FAM114A2: variants seen among roughly 807,000 people sequenced by gnomAD.
The protein encoded by FAM114A2 is family with sequence similarity 114 member A2, also known as protein FAM114A2.
FAM114A2 carries 53 observed loss-of-function variants against 58.4 expected under a neutral mutation model. That is an observed-to-expected ratio of 0.91 (90% CI 0.73 to 1.14). FAM114A2 has a LOEUF of 1.14. Among genes scored for constraint, FAM114A2 ranks in the 50% most tolerant of loss-of-function variants. The pLI, the probability that FAM114A2 is intolerant of heterozygous loss-of-function variation, is 0.00. For synonymous variants in FAM114A2, 228 were observed against 211.4 expected (o/e 1.08, Z -0.68); for missense variants, 601 against 581.1 (o/e 1.03, Z -0.35).
Position 153,997,821 on chromosome 5 carries a change from G to A in FAM114A2, c.1311C>T (p.Thr437=), listed in dbSNP as rs1482310363. The part of the protein sequence containing the change: ...ELSSLSKEFT[T]CLTTAGVKEM... ...TTCTTACCCCAGCAGTTGTTAGGCA[G>A]GTAGTGAACTCTTTAGACAGAGAGG... Residue 437 remains threonine (T), a synonymous_variant, in exon 12 of 14, where the codon ACC becomes ACT. Transcript: ENST00000351797. 2.5e-6 allele frequency: 4 copies of A among 1,590,066 alleles called. No individual in the cohort carries two copies. Among genetic ancestry groups the A allele is most frequent in the Non-Finnish European group, 3.5e-6 (4 of 1,158,454 alleles).
At chr5:154,002,718 G>A (rs1006582191) in intron 10 of FAM114A2, 129 bp downstream of exon 10, 8 of 941,836 alleles carry the variant, frequency 8.5e-6, no homozygotes, top group Non-Finnish European at 1.3e-5. Flanking sequence ...CTGGATCTAA[G>A]ATGCTACAAT....
chr5:154,026,626 T>C lies in FAM114A2; in HGVS notation c.790-104A>G, dbSNP rs989589948. The C allele has an allele frequency of 2.4e-5, 17 of 722,498 alleles. No individual in the cohort carries two copies. The African/African-American group carries it at 2.4e-4, about 10-fold the overall frequency. The allele number at this position is 722,498 out of a possible 1,614,324, so 44.8% of individuals were successfully genotyped here. ...AAAGATCATATTGAAGTCAAAATTA[T>C]GAGCTCATCAGCCAGCACAAGTTAT... is the stretch of plus-strand genomic sequence containing the variant. On this transcript the variant is annotated intron_variant, in intron 7 of 13. Coordinates refer to ENST00000351797, the MANE Select transcript of FAM114A2 (RefSeq NM_018691.4).
intron 8 of FAM114A2, among the ~76,000 whole-genome samples, chr5:154,017,688 A>G (rs113294746): frequency 0.024 from 3,653 of 152,282 alleles, 96 homozygotes; most frequent in African/African-American, 0.06. Flanking sequence ...ACCATATGAT[A>G]GGCCACAAAA....
In FAM114A2 at chr5:154,002,231, G is replaced by A. The variant is rs1431863656; in HGVS notation, c.1256+20C>T. ...ACTCCTGCAATTTGCATCATTTAGA[G>A]GAATTCTCATTACACTTACTGGGAA... On this transcript the variant is annotated intron_variant, in intron 11 of 13. Coordinates refer to ENST00000351797, the MANE Select transcript of FAM114A2 (RefSeq NM_018691.4). 4 of 1,609,278 alleles carry A rather than the reference G, an allele frequency of 2.5e-6. No homozygotes were observed. Among genetic ancestry groups the A allele is most frequent in the Non-Finnish European group, 3.4e-6 (4 of 1,175,938 alleles).
At chr5:154,005,081 T>C (rs1308471129) in intron 9 of FAM114A2, among the ~76,000 whole-genome samples, 1 of 152,196 alleles carries the variant, frequency 6.6e-6, no homozygotes, top group Non-Finnish European at 1.5e-5. Context: ...TAACCAAATA[T>C]AGTAGAATTA....
intron 12 of FAM114A2, among the ~76,000 whole-genome samples, chr5:153,996,636 G>A (rs34536648): frequency 0.59 from 89,197 of 151,048 alleles, 26,934 homozygotes; most frequent in East Asian, 0.76. Context: ...TTTAAAACAA[G>A]TAAACTGCTG....
chr5:153,993,110 C>A lies in FAM114A2; in HGVS notation c.1384G>T (p.Ala462Ser), dbSNP rs942669796. The A allele has an allele frequency of 6.2e-7, 1 of 1,602,682 alleles. No homozygotes were observed. The stretch of plus-strand genomic sequence containing the variant: ...TGGATGTAGGAGGCACTGTTTGATG[C>A]CTGCCAGGATTGAAAAAACAAGAAA... ...NPLITAVFLE[A>S]SNSASYIQDA... The change falls in exon 14 of 14, where the codon GCA becomes TCA. Residue 462 changes from alanine to serine, a missense_variant and splice_region_variant. Coordinates refer to ENST00000351797, the MANE Select transcript of FAM114A2 (RefSeq NM_018691.4).
intron 12 of FAM114A2, among the ~76,000 whole-genome samples, chr5:153,995,684 A>G (rs193144708): frequency 6.6e-6 from 1 of 152,342 alleles, no homozygotes; most frequent in African/African-American, 2.4e-5. Context: ...TATACTTACT[A>G]TAAAGTAATT....
intron 9 of FAM114A2, among the ~76,000 whole-genome samples, chr5:154,005,794 A>G (rs571110088): frequency 3.3e-5 from 5 of 152,346 alleles, no homozygotes; most frequent in South Asian, 2.1e-4. Flanking sequence ...TTAACTTTAC[A>G]TACACAGAAT....
chr5:154,028,902 G>A (rs967774686), intron 5 of FAM114A2, among the ~76,000 whole-genome samples: 3 of 152,002 alleles, frequency 2.0e-5, no homozygotes, highest in African/African-American at 7.2e-5. Context: ...AAGATGGTGG[G>A]GAGATCTGAT....
chr5:154,028,104 G>C, intron 6 of FAM114A2, 45 bp downstream of exon 6: 1 of 1,530,192 alleles, frequency 6.5e-7, no homozygotes, highest in Non-Finnish European at 8.9e-7. Context: ...CAAAAATACA[G>C]ATCAAAACAG....
At position 153,997,839 on chromosome 5, in the gene FAM114A2, CAG is replaced by C. The variant is rs1203781112; in HGVS notation, c.1291_1292del (p.Leu431ValfsTer2). On this transcript the variant is annotated frameshift_variant, in exon 12 of 14. Transcript: ENST00000351797. LOFTEE classifies it high-confidence loss of function. ...TTAGGCAGGTAGTGAACTCTTTAGACAGAGAGGACAACTCTTTACACAACACA... is the reference window on the plus strand; with the variant it reads ...TTAGGCAGGTAGTGAACTCTTTAGACAGAGGACAACTCTTTACACAACACA... ...TIVLCKELSS[L>X]SKEFTTCLTT... 4 of 1,604,200 alleles carry C rather than the reference CAG, an allele frequency of 2.5e-6. No individual in the cohort carries two copies. The highest frequency in any genetic ancestry group is 3.4e-6 in the Non-Finnish European group (4 of 1,171,368).
intron 4 of FAM114A2, among the ~76,000 whole-genome samples, chr5:154,031,316 A>AC (rs1772180751): frequency 6.7e-6 from 1 of 150,030 alleles, no homozygotes; most frequent in Non-Finnish European, 1.5e-5. Flanking sequence ...CCTCTCCAAA[A>AC]AAAAAAAAAA....
chr5:154,012,351 C>T (rs1055285586), intron 8 of FAM114A2, among the ~76,000 whole-genome samples: 3 of 152,082 alleles, frequency 2.0e-5, no homozygotes, highest in Non-Finnish European at 4.4e-5. Flanking sequence ...CCAATCAGTG[C>T]GAAATGCTCT....
rs200664638 is a variant in FAM114A2, at chr5:154,028,222, T to G, written c.557A>C (p.Asp186Ala). Reference sequence around the variant, plus strand: ...TCCAGGATCCCCTTCTGCTATCACATCCATTGTCTTTTTTCCAATGAATTC... The same window carrying G: ...TCCAGGATCCCCTTCTGCTATCACAGCCATTGTCTTTTTTCCAATGAATTC... The part of the protein sequence containing the change: ...ALEFIGKKTM[D>A]VIAEGDPGFK... The change falls in exon 6 of 14, where the codon GAT becomes GCT. Residue 186 changes from aspartate to alanine, a missense_variant. Physicochemically the swap from Asp to Ala is moderately radical, Grantham distance 126. Transcript: ENST00000351797. 8.1e-6 allele frequency: 13 copies of G among 1,611,558 alleles called. No individual in the cohort carries two copies. The highest frequency in any genetic ancestry group is 5.9e-6 in the Non-Finnish European group (7 of 1,177,906).
At chr5:154,026,293 TA>T in intron 8 of FAM114A2, 105 bp downstream of exon 8, 1 of 902,104 alleles carries the variant, frequency 1.1e-6, no homozygotes, top group Non-Finnish European at 1.5e-6. Flanking sequence ...ACCAAAAAAG[TA>T]AAATCAAGCC....
In FAM114A2 at chr5:154,029,511, A is replaced by T. The variant is rs1772032428; in HGVS notation, c.473T>A (p.Ile158Asn). The change falls in exon 5 of 14, where the codon ATC (isoleucine) becomes AAC (asparagine). Residue 158 changes from isoleucine to asparagine, a missense_variant. Transcript: ENST00000351797. ...TACTGTGCTCTGAACAGCAGTAGAG[A>T]TGGTAGAGAATACACCAAATGCCCC... ...VAGAFGVFST[I>N]STAVQSTGKS... 1 of 1,607,072 alleles carries T rather than the reference A, an allele frequency of 6.2e-7. No homozygotes were observed. Among genetic ancestry groups the T allele is most frequent in the Non-Finnish European group, 8.5e-7 (1 of 1,174,214 alleles).
intron 9 of FAM114A2, among the ~76,000 whole-genome samples, chr5:154,003,828 A>C (rs1770171424): frequency 6.6e-6 from 1 of 152,228 alleles, no homozygotes; most frequent in South Asian, 2.1e-4. Flanking sequence ...GTATTAGTTC[A>C]TTCATATTAA....
At chr5:154,002,725 C>A in intron 10 of FAM114A2, 122 bp downstream of exon 10, 5 of 993,630 alleles carry the variant, frequency 5.0e-6, no homozygotes, top group Non-Finnish European at 3.0e-6. Context: ...TAAGATGCTA[C>A]AATCCTAGAT....
Sources: gnomAD v4.1 joint callset for allele counts (sites outside exome capture counted in the v4.1 genomes callset) on GRCh38, gnomAD v4.1.1 for gene constraint, MANE v1.5 for transcripts, NCBI Gene and HGNC (gene_info 2026-07-23, HGNC 2026-07-21) for gene names.